PRSS23: variants seen among roughly 807,000 people sequenced by gnomAD.
PRSS23 encodes protease, serine 23.
A neutral mutation model predicts 34.7 loss-of-function variants in PRSS23; 25 were observed. The observed-to-expected ratio is 0.72, with a 90% CI of 0.53 to 1.01. The LOEUF is 1.01. PRSS23 is among the 50% of genes least tolerant of loss of function. The pLI is 0.00. For synonymous variants in PRSS23, 176 were observed against 186.6 expected, an observed-to-expected ratio of 0.94 and a Z score of 0.46; for missense variants, 445 against 475.6, an observed-to-expected ratio of 0.94 and a Z score of 0.60.
chr11:86,841,729 C>T (rs1948450007), intron 2 of PRSS23, among the ~76,000 whole-genome samples: 1 of 152,114 alleles, frequency 6.6e-6, no homozygotes, highest in South Asian at 2.1e-4. Context: ...AAGAGTAAAC[C>T]AGGAGGAAGT....
At chr11:86,899,089 T>C (rs1476188359) in intron 2 of PRSS23, among the ~76,000 whole-genome samples, 1 of 152,102 alleles carries the variant, frequency 6.6e-6, no homozygotes, top group African/African-American at 2.4e-5. Flanking sequence ...TCCCACAACC[T>C]TCAAACCCCA....
chr11:86,867,554 C>A (rs958235589), intron 2 of PRSS23, among the ~76,000 whole-genome samples: 1 of 152,180 alleles, frequency 6.6e-6, no homozygotes, highest in Non-Finnish European at 1.5e-5. Context: ...AACCATCCTC[C>A]TTCTGAGACC....
rs926824409 is a variant in PRSS23 at position 86,847,004 on chromosome 11, G to A, written c.206+23411G>A. The stretch of plus-strand genomic sequence containing the variant: ...CTATCAAGTACAATCTATGGTGCAT[G>A]GGTACAGCTCTTAGAGCCATTGAAT... On this transcript the variant is annotated intron_variant, in intron 2 of 2. Coordinates refer to the PRSS23 transcript ENST00000533902. 2.6e-5 allele frequency among the ~76,000 whole-genome samples: 4 copies of A among 152,228 alleles called. No individual in the cohort carries two copies. The East Asian group carries it at 5.8e-4, about 22-fold the overall frequency.
intron 2 of PRSS23, among the ~76,000 whole-genome samples, chr11:86,872,525 C>G (rs1948692136): frequency 6.6e-6 from 1 of 152,150 alleles, no homozygotes; most frequent in Non-Finnish European, 1.5e-5. Flanking sequence ...AGTGCAGAGA[C>G]AAGTTTTATT....
chr11:86,791,434 G>A (rs1020138402), intron 1 of PRSS23, among the ~76,000 whole-genome samples: 1 of 152,194 alleles, frequency 6.6e-6, no homozygotes, highest in Non-Finnish European at 1.5e-5. Context: ...TCTGAAAAAG[G>A]AGGAAGCAAT....
At chr11:86,914,042 T>A (rs1230517456) in intron 2 of PRSS23, among the ~76,000 whole-genome samples, 63 of 114,864 alleles carry the variant, frequency 5.5e-4, no homozygotes, top group Non-Finnish European at 5.7e-4. Context: ...CCATCTCTAC[T>A]AAAAAAAAAA....
chr11:86,829,070 A>G (rs1479323712), intron 2 of PRSS23, among the ~76,000 whole-genome samples: 2 of 152,162 alleles, frequency 1.3e-5, no homozygotes, highest in African/African-American at 2.4e-5. Flanking sequence ...GTTGTCCTGG[A>G]TAATGACCTG....
At chr11:86,856,526 A>G (rs778887323) in intron 2 of PRSS23, among the ~76,000 whole-genome samples, 6 of 152,176 alleles carry the variant, frequency 3.9e-5, no homozygotes, top group Non-Finnish European at 8.8e-5. Context: ...GAAATTCCAC[A>G]TGAACTGTGG....
chr11:86,884,170 A>G (rs868007264), intron 2 of PRSS23, among the ~76,000 whole-genome samples: 1 of 151,514 alleles, frequency 6.6e-6, no homozygotes, highest in African/African-American at 2.4e-5. Flanking sequence ...TACCAACACT[A>G]CTCTATACTG....
At chr11:86,837,537 G>A (rs1948416121) in intron 2 of PRSS23, 1 of 152,240 alleles carries the variant, frequency 6.6e-6, no homozygotes, top group Non-Finnish European at 1.5e-5. Context: ...GGGAGGCTGA[G>A]GTGGGTGGAT....
chr11:86,887,408 CA>C (rs1181620385), intron 2 of PRSS23, among the ~76,000 whole-genome samples: 1 of 92,576 alleles, frequency 1.1e-5, no homozygotes, highest in African/African-American at 4.3e-5. Context: ...AAAAACAAAA[CA>C]AAACAAAAAA....
chr11:86,875,634 A>C (rs1948718123), intron 2 of PRSS23, among the ~76,000 whole-genome samples: 1 of 152,194 alleles, frequency 6.6e-6, no homozygotes, highest in African/African-American at 2.4e-5. Context: ...CTTGACTAAC[A>C]ACCCTTCGAT....
chr11:86,845,388 A>G (rs74495360), intron 2 of PRSS23, among the ~76,000 whole-genome samples: 3,533 of 152,340 alleles, frequency 0.023, 148 homozygotes, highest in African/African-American at 0.08. Flanking sequence ...TTAAGCTTAA[A>G]ATATTATGAA....
intron 2 of PRSS23, among the ~76,000 whole-genome samples, chr11:86,849,117 G>T (rs1948510583): frequency 6.6e-6 from 1 of 152,114 alleles, no homozygotes; most frequent in African/African-American, 2.4e-5. Flanking sequence ...CAGAGCCCTG[G>T]GTAAGTTTGA....
intron 2 of PRSS23, chr11:86,921,997 A>G (rs1458504360): frequency 6.6e-6 from 1 of 152,182 alleles, no homozygotes; most frequent in Non-Finnish European, 1.5e-5. Flanking sequence ...TGAGGCTTCC[A>G]AGGCACAAAG....
At chr11:86,824,454 C>A (rs1948282755) in intron 2 of PRSS23, among the ~76,000 whole-genome samples, 1 of 148,792 alleles carries the variant, frequency 6.7e-6, no homozygotes, top group Non-Finnish European at 1.5e-5. Flanking sequence ...GGAACCCAGT[C>A]TTTTTATCTT....
chr11:86,871,076 A>G (rs1948681600), intron 2 of PRSS23, among the ~76,000 whole-genome samples: 3 of 152,160 alleles, frequency 2.0e-5, no homozygotes, highest in African/African-American at 4.8e-5. Context: ...ACACTGGACC[A>G]GCTGAATTGG....
intron 1 of PRSS23, among the ~76,000 whole-genome samples, chr11:86,805,537 T>C (rs1948090650): frequency 6.6e-6 from 1 of 152,206 alleles, no homozygotes; most frequent in Admixed American, 6.5e-5. Context: ...CAGGGACCCT[T>C]CCTATTTGGA....
At chr11:86,800,494 C>A, upstream of PRSS23, 1 of 984,134 alleles carries the variant, frequency 1.0e-6, no homozygotes, top group Non-Finnish European at 1.2e-6. Context: ...CCTCGGGTGG[C>A]GCGGGGGGCG....
Sources: gnomAD v4.1 joint callset for allele counts (sites outside exome capture counted in the v4.1 genomes callset) on GRCh38, gnomAD v4.1.1 for gene constraint, MANE v1.5 for transcripts, NCBI Gene and HGNC (gene_info 2026-07-23, HGNC 2026-07-21) for gene names.